MCFD2: variants seen among roughly 807,000 people sequenced by gnomAD.
MCFD2 encodes multiple coagulation factor deficiency protein 2.
Under a neutral mutation model 12.8 loss-of-function variants are expected in MCFD2, and 11 were observed. The ratio of observed to expected loss-of-function variants is 0.86; its 90% CI spans 0.54 to 1.42. MCFD2 has a LOEUF of 1.42. MCFD2 is among the 40% of genes most tolerant of loss of function. The pLI is 0.00. For missense variants in MCFD2, 191 were observed against 178.6 expected, an observed-to-expected ratio of 1.07 and a Z score of -0.40; for synonymous variants, 70 against 68.1, an observed-to-expected ratio of 1.03 and a Z score of -0.14.
intron 1 of MCFD2, among the ~76,000 whole-genome samples, chr2:46,909,436 A>G (rs1668390793): frequency 6.6e-6 from 1 of 152,228 alleles, no homozygotes; most frequent in Non-Finnish European, 1.5e-5. Flanking sequence ...GAAAGCTTGA[A>G]GGGACTGGAA....
rs998042740 is a variant in MCFD2 at position 46,941,238 on chromosome 2, A to AGCGGCGGCG, written c.-8+325_-8+333dup. ...GGGCGGAGGCTGTGGCAGCAGCTGC[A>AGCGGCGGCG]GCGGCGGCGGCGGCGGCAGCGCCAG... On this transcript the variant is annotated intron_variant, in intron 1 of 2. Coordinates refer to the MCFD2 transcript ENST00000409147. This position sits in a 1 kb window ranked among gnomAD's most constrained non-coding sequence, Gnocchi z 4.2. 39 of 147,648 alleles carry AGCGGCGGCG rather than the reference A, an allele frequency of 2.6e-4. No homozygotes were observed. The South Asian group carries it at 6.8e-3, about 26-fold the overall frequency. The allele number at this position is 147,648 out of a possible 1,614,324, so 9.1% of individuals were successfully genotyped here. A position where few individuals can be genotyped will look rare whatever the true frequency, so the allele number is the denominator to read the frequency against.
At chr2:46,925,632 G>A (rs543043392) in intron 1 of MCFD2, among the ~76,000 whole-genome samples, 41 of 152,258 alleles carry the variant, frequency 2.7e-4, no homozygotes, top group Non-Finnish European at 4.4e-4. Context: ...CTCATTTGAT[G>A]TGAAAAGGCA....
chr2:46,922,536 T>A (rs1669158405), intron 1 of MCFD2, among the ~76,000 whole-genome samples: 1 of 138,426 alleles, frequency 7.2e-6, no homozygotes, highest in African/African-American at 3.2e-5. Context: ...TCAGGGAAAA[T>A]TTTTTTTTCC....
In MCFD2 at chr2:46,903,333, G is replaced by A. The variant is rs917820069; in HGVS notation, c.*2130C>T. On this transcript the variant is annotated 3_prime_UTR_variant, in exon 4 of 4. Transcript: ENST00000319466. ...AGTCTCGGGTATGTCTTTATCAGCA[G>A]CGTGAAAACGGACTAATACAGTAAA... 4 of 154,762 alleles carry A rather than the reference G, an allele frequency of 2.6e-5. No homozygotes were observed. Among genetic ancestry groups the A allele is most frequent in the African/African-American group, 7.2e-5 (3 of 41,474 alleles). 9.6% of individuals were successfully genotyped at this position (154,762 alleles called of 1,614,324 possible).
rs544527253 is a variant in MCFD2, at chr2:46,914,999, T to TG, written c.-7+723dup. Among the ~76,000 whole-genome samples the TG allele has an allele frequency of 3.0e-4, 46 of 152,206 alleles. 1 individual carries two copies. The East Asian group carries it at 7.2e-3, about 24-fold the overall frequency. On this transcript the variant is annotated intron_variant, in intron 1 of 3. Transcript: ENST00000319466. ...AATCCACCAAAGGGTGATAAGGGAA[T>TG]GGGGGGACGCTTCTGGTCACATGAT...
chr2:46,922,016 A>C (rs1324778591), intron 1 of MCFD2, among the ~76,000 whole-genome samples: 1 of 152,166 alleles, frequency 6.6e-6, no homozygotes, highest in Non-Finnish European at 1.5e-5. Flanking sequence ...AACTAAAGAC[A>C]TACTGGGAAC....
intron 1 of MCFD2, among the ~76,000 whole-genome samples, chr2:46,933,443 T>G (rs147273902): frequency 2.0e-5 from 3 of 152,386 alleles, no homozygotes; most frequent in Admixed American, 6.5e-5. Flanking sequence ...TTCTGAAGCT[T>G]GCCTTTGTAG....
At chr2:46,930,253 T>C (rs936070829) in intron 1 of MCFD2, among the ~76,000 whole-genome samples, 5 of 151,934 alleles carry the variant, frequency 3.3e-5, no homozygotes, top group Admixed American at 1.3e-4. Context: ...ATAAAATTTA[T>C]AAATCCCTGG....
chr2:46,919,299 C>T (rs747867836), upstream of MCFD2, among the ~76,000 whole-genome samples: 11 of 152,220 alleles, frequency 7.2e-5, no homozygotes, highest in Non-Finnish European at 1.3e-4. Context: ...CTTTGGGAGG[C>T]CGAGGCGGCA....
intron 1 of MCFD2, among the ~76,000 whole-genome samples, chr2:46,931,610 A>T (rs899214043): frequency 6.6e-6 from 1 of 152,154 alleles, no homozygotes; most frequent in African/African-American, 2.4e-5. Flanking sequence ...CAAGGAATGC[A>T]GTCGGCCTCT....
intron 1 of MCFD2, 54 bp from the exon 2 acceptor site, chr2:46,909,231 G>C: frequency 1.3e-6 from 2 of 1,567,732 alleles, no homozygotes; most frequent in Non-Finnish European, 1.7e-6. Context: ...CAAAGGTTTC[G>C]TTCAGGGCTT....
rs1257293550 is a variant in MCFD2 at position 46,905,529 on chromosome 2, C to T, written c.375G>A (p.Leu125=). ...CATCATTGTTCTTGTCATCATCTCT[C>T]AAAACACCATCTATTATGTTAATCA... ...DELINIIDGV[L]RDDDKNNDGY... is the part of the protein sequence containing the mutation. Residue 125 remains leucine, a synonymous_variant, in exon 4 of 4, where the codon TTG becomes TTA. Transcript: ENST00000319466. The T allele has an allele frequency of 2.5e-6, 4 of 1,613,578 alleles. No individual in the cohort carries two copies. Among genetic ancestry groups the T allele is most frequent in the Non-Finnish European group, 3.4e-6 (4 of 1,179,682 alleles).
At chr2:46,918,864 A>T (rs1177585634), upstream of MCFD2, among the ~76,000 whole-genome samples, 2 of 152,238 alleles carry the variant, frequency 1.3e-5, no homozygotes, top group African/African-American at 4.8e-5. Context: ...GAGATTAAAG[A>T]AAGTAACGAC....
intron 1 of MCFD2, 81 bp from the exon 2 acceptor site, chr2:46,909,258 G>T: frequency 6.8e-7 from 1 of 1,480,848 alleles, no homozygotes; most frequent in Non-Finnish European, 9.2e-7. Flanking sequence ...GTATGATCCT[G>T]GGAAACCTGA....
Position 46,907,528 on chromosome 2 carries a change from G to A in MCFD2, c.309+282C>T, listed in dbSNP as rs1572609161. ...GCCTCCTGAGTACGTAGAACTACGGGCATGCACTACCAGGCCTGGCTAATT... is the reference window on the plus strand; with the variant it reads ...GCCTCCTGAGTACGTAGAACTACGGACATGCACTACCAGGCCTGGCTAATT... On this transcript the variant is annotated intron_variant, in intron 3 of 3. Coordinates refer to ENST00000319466, the MANE Select transcript of MCFD2 (RefSeq NM_139279.6). The surrounding 1 kb of genome is among the most constrained non-coding windows in gnomAD (Gnocchi z 4.1). 3 of 421,978 alleles carry A rather than the reference G, an allele frequency of 7.1e-6. No homozygotes were observed. The highest frequency in any genetic ancestry group is 1.0e-4 in the East Asian group (2 of 19,204). 26.1% of individuals were successfully genotyped at this position (421,978 alleles called of 1,614,324 possible).
At chr2:46,911,651 G>T (rs1251788539) in intron 1 of MCFD2, among the ~76,000 whole-genome samples, 1 of 152,026 alleles carries the variant, frequency 6.6e-6, no homozygotes, top group African/African-American at 2.4e-5. Context: ...AGCCGGCATG[G>T]TGGCTCGTGC....
chr2:46,908,002 A>T lies in MCFD2; in HGVS notation c.150-33T>A. On this transcript the variant is annotated intron_variant, in intron 2 of 3. Transcript: ENST00000319466. The surrounding 1 kb of genome is among the most constrained non-coding windows in gnomAD (Gnocchi z 4.5). ...TCAACAGTCAGGTTCAGGCCAATTGACAGATACTGGGATCATGCTGAAATC... is the reference window on the plus strand; with the variant it reads ...TCAACAGTCAGGTTCAGGCCAATTGTCAGATACTGGGATCATGCTGAAATC... 6.2e-7 allele frequency: 1 copy of T among 1,612,290 alleles called. No homozygotes were observed. The highest frequency in any genetic ancestry group is 8.5e-7 in the Non-Finnish European group (1 of 1,178,946).
chr2:46,915,328 C>G (rs896424772), intron 1 of MCFD2, among the ~76,000 whole-genome samples: 1 of 152,216 alleles, frequency 6.6e-6, no homozygotes, highest in Non-Finnish European at 1.5e-5. Flanking sequence ...CAGCTTCCCC[C>G]GCCGGGCCCG....
In MCFD2 at chr2:46,940,317, G is replaced by A. The variant is rs534584647; in HGVS notation, c.-8+1255C>T. Among the ~76,000 whole-genome samples the A allele has an allele frequency of 2.0e-5, 3 of 152,270 alleles. No homozygotes were observed. Among genetic ancestry groups the A allele is most frequent in the African/African-American group, 7.2e-5 (3 of 41,576 alleles). On this transcript the variant is annotated intron_variant, in intron 1 of 2. Coordinates refer to the MCFD2 transcript ENST00000409147. This position sits in a 1 kb window ranked among gnomAD's most constrained non-coding sequence, Gnocchi z 4.7. ...GAGTCTTCAGTCTGGACCATACAAT[G>A]TGTCACTTAAATGCCGGTGGTTTTT...
Sources: allele counts gnomAD v4.1 joint callset (sites outside exome capture counted in the v4.1 genomes callset), GRCh38; gene constraint gnomAD v4.1.1; non-coding constraint Gnocchi (gnomAD v3.1); transcripts MANE v1.5; gene names NCBI Gene and HGNC (gene_info 2026-07-23, HGNC 2026-07-21).